KTN1: variants seen among roughly 807,000 people sequenced by gnomAD.
KTN1 encodes kinectin 1, also known as kinectin.
A neutral mutation model predicts 222.5 loss-of-function variants in KTN1; 130 were observed. The observed-to-expected ratio is 0.58, with a 90% CI of 0.51 to 0.68. KTN1 has a LOEUF of 0.68. KTN1 is among the 30% of genes least tolerant of loss of function. The pLI is 0.00. For synonymous variants in KTN1, 512 were observed against 496.3 expected, an observed-to-expected ratio of 1.03 and a Z score of -0.42; for missense variants, 1,508 against 1,500.4, an observed-to-expected ratio of 1.01 and a Z score of -0.08.
At chr14:55,643,372 T>A (rs1258429825) in intron 18 of KTN1, among the ~76,000 whole-genome samples, 1 of 152,214 alleles carries the variant, frequency 6.6e-6, no homozygotes, top group Non-Finnish European at 1.5e-5. Flanking sequence ...GCAACATTTT[T>A]AATTTTTACT....
chr14:55,612,881 C>A (rs566454314), intron 2 of KTN1, among the ~76,000 whole-genome samples: 1 of 142,956 alleles, frequency 7.0e-6, no homozygotes, highest in African/African-American at 2.5e-5. Flanking sequence ...AGTGAGACCT[C>A]ATCTCTACAA....
chr14:55,581,336 G>A (rs1004901660), intron 1 of KTN1, among the ~76,000 whole-genome samples: 10 of 152,230 alleles, frequency 6.6e-5, no homozygotes, highest in African/African-American at 2.4e-4. Flanking sequence ...TCTTTCCTGT[G>A]GGAGGAAGGA....
intron 34 of KTN1, 44 bp from the exon 35 acceptor site, chr14:55,670,685 T>G (rs954210226): frequency 7.2e-7 from 1 of 1,379,966 alleles, no homozygotes. Context: ...TTTGGATTTT[T>G]TTTTTCTTTG....
chr14:55,612,956 T>C (rs1314212950), intron 2 of KTN1, among the ~76,000 whole-genome samples: 1 of 152,146 alleles, frequency 6.6e-6, no homozygotes, highest in Non-Finnish European at 1.5e-5. Context: ...CTATTTTACT[T>C]AAAACCACTT....
In KTN1 at chr14:55,650,585, T is replaced by C. The variant is rs2042839106; in HGVS notation, c.2513T>C (p.Ile838Thr). The C allele has an allele frequency of 6.2e-7, 1 of 1,612,282 alleles. No homozygotes were observed. Among genetic ancestry groups the C allele is most frequent in the Non-Finnish European group, 8.5e-7 (1 of 1,178,592 alleles). The change falls in exon 24 of 44, where the codon ATA becomes ACA. Residue 838 changes from isoleucine (I) to threonine (T), a missense_variant. Ile to Thr is a moderately conservative substitution (Grantham distance 89). Transcript: ENST00000395314. ...EKTVQDLKQE[I>T]KALKEEIGNV... Reference sequence around the variant, plus strand: ...ATTGTCAAGGATTTGAAACAGGAAATAAAGGCTCTAAAAGAAGAAATAGGA... The same window carrying C: ...ATTGTCAAGGATTTGAAACAGGAAACAAAGGCTCTAAAAGAAGAAATAGGA...
chr14:55,675,989 T>C (rs1051758312), intron 41 of KTN1, 71 bp downstream of exon 41: 18 of 976,804 alleles, frequency 1.8e-5, no homozygotes, highest in South Asian at 1.1e-4. Context: ...AGCAAACTTA[T>C]GCTGCTAATT....
intron 17 of KTN1, among the ~76,000 whole-genome samples, chr14:55,641,436 C>T (rs1270434461): frequency 6.6e-6 from 1 of 152,056 alleles, no homozygotes; most frequent in East Asian, 1.9e-4. Context: ...AATCTTTTCT[C>T]AGCTGATAGT....
Position 55,609,277 on chromosome 14 carries a change from T to C in KTN1, c.-30-2742T>C, listed in dbSNP as rs915897367. Among the ~76,000 whole-genome samples, 19 of 152,314 alleles carry C rather than the reference T, an allele frequency of 1.2e-4. 1 individual carries two copies. The highest frequency in any genetic ancestry group is 4.3e-4 in the African/African-American group (18 of 41,584). On this transcript the variant is annotated intron_variant, in intron 1 of 43. Coordinates refer to ENST00000395314, the MANE Select transcript of KTN1 (RefSeq NM_001079521.2). ...TTGGTGTTCTGTTCCTGTGGTAGTT[T>C]GCTGAGGATGATGGCTTCCACCTTC...
At chr14:55,583,184 GAA>G (rs918895272) in intron 1 of KTN1, among the ~76,000 whole-genome samples, 2 of 152,172 alleles carry the variant, frequency 1.3e-5, no homozygotes, top group Admixed American at 6.5e-5. Flanking sequence ...GAGGTCTAGA[GAA>G]AGAGAAATAA....
intron 1 of KTN1, among the ~76,000 whole-genome samples, chr14:55,610,545 A>C (rs1197311297): frequency 6.6e-6 from 1 of 152,224 alleles, no homozygotes. Flanking sequence ...TAATCATGAC[A>C]TATCAAGACT....
Position 55,663,988 on chromosome 14 carries a change from G to A in KTN1, c.3124G>A (p.Ala1042Thr), listed in dbSNP as rs768397738. 6.2e-7 allele frequency: 1 copy of A among 1,612,498 alleles called. No individual in the cohort carries two copies. Among genetic ancestry groups the A allele is most frequent in the Non-Finnish European group, 8.5e-7 (1 of 1,178,958 alleles). Residue 1042 changes from alanine to threonine, a missense_variant, in exon 33 of 44, where the codon GCA (alanine) becomes ACA (threonine). Transcript: ENST00000395314. ...GGAGAAAAACTGGGAAGCAATGGAA[G>A]CATTGGCATCAACTGAAAAAATGCT... Reference protein sequence around the residue: ...LREKNWEAMEALASTEKMLQD... With the variant: ...LREKNWEAMETLASTEKMLQD...
At chr14:55,610,793 C>A (rs1285227683) in intron 1 of KTN1, among the ~76,000 whole-genome samples, 1 of 152,208 alleles carries the variant, frequency 6.6e-6, no homozygotes, top group Non-Finnish European at 1.5e-5. Context: ...ACATCAGAAT[C>A]ATTTATACTT....
rs2045575152 is a variant in KTN1 at position 55,672,948 on chromosome 14, A to G, written c.3623A>G (p.His1208Arg). 3 of 1,613,288 alleles carry G rather than the reference A, an allele frequency of 1.9e-6. No individual in the cohort carries two copies. The African/African-American group carries it at 4.0e-5, about 22-fold the overall frequency. Reference protein sequence around the residue: ...DIENLRREREHLEMELEKAEM... With the variant: ...DIENLRRERERLEMELEKAEM... The stretch of plus-strand genomic sequence containing the variant: ...TGCTAGCTGAGAAGAGAACGAGAAC[A>G]TTTGGAAATGGAACTAGAAAAGGCA... The change falls in exon 39 of 44, where the codon CAT becomes CGT. Residue 1208 changes from histidine (H) to arginine (R), a missense_variant. Coordinates refer to ENST00000395314, the MANE Select transcript of KTN1 (RefSeq NM_001079521.2).
rs181056854 is a variant in KTN1, at chr14:55,664,396, A to G, written c.3177+355A>G. Among the ~76,000 whole-genome samples the G allele has an allele frequency of 7.9e-3, 1,196 of 152,284 alleles. 10 individuals are homozygous for G. The highest frequency in any genetic ancestry group is 8.5e-3 in the Non-Finnish European group (578 of 68,002). On this transcript the variant is annotated intron_variant, in intron 33 of 43. Coordinates refer to ENST00000395314, the MANE Select transcript of KTN1 (RefSeq NM_001079521.2). ...GAAATCTAGGTGAATTAACAAACAC[A>G]TTTGAATATGTAGGATGTGCCATAA... is the stretch of plus-strand genomic sequence containing the variant.
intron 24 of KTN1, among the ~76,000 whole-genome samples, chr14:55,650,906 G>A (rs943082051): frequency 2.6e-5 from 4 of 151,974 alleles, no homozygotes; most frequent in Non-Finnish European, 5.9e-5. Flanking sequence ...AATGAAACAC[G>A]AAACAGTTTG....
chr14:55,619,981 C>G (rs902755870), intron 5 of KTN1, among the ~76,000 whole-genome samples: 1 of 152,088 alleles, frequency 6.6e-6, no homozygotes. Flanking sequence ...CGCCTATGAG[C>G]CTGTAAAATC....
chr14:55,672,435 ATGGAGTAGGT>A (rs2045532449), intron 37 of KTN1, 185 bp from the exon 38 acceptor site: 4 of 479,428 alleles, frequency 8.3e-6, no homozygotes, highest in Non-Finnish European at 1.1e-5. Context: ...TAATATACAA[ATGGAGTAGGT>A]TTGGACCACA....
chr14:55,642,167 A>G (rs1283683113), intron 18 of KTN1, among the ~76,000 whole-genome samples: 1 of 152,152 alleles, frequency 6.6e-6, no homozygotes, highest in Non-Finnish European at 1.5e-5. Context: ...AACCTTTGTG[A>G]CACCTCTCAT....
At position 55,649,765 on chromosome 14, in the gene KTN1, C is replaced by G. The variant is rs201276169; in HGVS notation, c.2368-11C>G. The G allele has an allele frequency of 9.1e-5, 133 of 1,463,968 alleles. No homozygotes were observed. Among genetic ancestry groups the G allele is most frequent in the Non-Finnish European group, 1.2e-4 (126 of 1,056,694 alleles). 90.7% of individuals were successfully genotyped at this position (1,463,968 alleles called of 1,614,324 possible). On this transcript the variant is annotated splice_polypyrimidine_tract_variant and intron_variant, in intron 21 of 43. Transcript: ENST00000395314. ...AACAAATTACTAAGTAGGATACTTT[C>G]CTATTTCCAGGTTTCTTTTGCCTCT...
Sources: allele counts gnomAD v4.1 joint callset (sites outside exome capture counted in the v4.1 genomes callset), GRCh38; gene constraint gnomAD v4.1.1; transcripts MANE v1.5; gene names NCBI Gene and HGNC (gene_info 2026-07-23, HGNC 2026-07-21).